The following BLM variants were observed in gnomAD, a reference collection of about 807,000 sequenced individuals.
BLM encodes the protein recQ-like DNA helicase BLM.
In BLM, 95 loss-of-function variants were observed where a neutral mutation model predicts 135.3. The observed-to-expected ratio is 0.70, with a 90% confidence interval of 0.59 to 0.83. The LOEUF is 0.83. BLM is among the 40% of genes least tolerant of loss of function. The probability of loss-of-function intolerance (pLI) is 0.00; values close to 1 mark genes in which losing one functional copy is unlikely to be tolerated. For missense variants in BLM, 1,518 were observed against 1,663.9 expected (o/e 0.91, Z 1.53); for synonymous variants, 520 against 589.2 (o/e 0.88, Z 1.70).
At chr15:90,798,539 A>G (rs1897088043) in intron 17 of BLM, among the ~76,000 whole-genome samples, 1 of 152,256 alleles carries the variant, frequency 6.6e-6, no homozygotes, top group South Asian at 2.1e-4. Flanking sequence ...ATGGTTTCAC[A>G]TACAAAGAAG....
intron 17 of BLM, 109 bp downstream of exon 17, chr15:90,798,446 G>A: frequency 1.7e-6 from 2 of 1,178,924 alleles, no homozygotes; most frequent in East Asian, 2.4e-5. Context: ...TATAAAACTT[G>A]AGTTTCTGAA....
intron 17 of BLM, among the ~76,000 whole-genome samples, chr15:90,798,839 C>T (rs1026110983): frequency 6.6e-6 from 1 of 152,082 alleles, no homozygotes; most frequent in Non-Finnish European, 1.5e-5. Flanking sequence ...AAAAATTAGC[C>T]AGGCATGGTG....
chr15:90,735,830 A>C (rs902338862), intron 1 of BLM, among the ~76,000 whole-genome samples: 5 of 152,168 alleles, frequency 3.3e-5, no homozygotes, highest in African/African-American at 1.2e-4. Flanking sequence ...AATGAAAAAC[A>C]CCATAAGCAA....
At chr15:90,792,012 T>A (rs1896915948) in intron 15 of BLM, among the ~76,000 whole-genome samples, 1 of 152,216 alleles carries the variant, frequency 6.6e-6, no homozygotes, top group Non-Finnish European at 1.5e-5. Flanking sequence ...TATTACATTC[T>A]TTGCTCATTT....
In BLM at chr15:90,804,330, T is replaced by G; in HGVS notation, c.3722T>G (p.Phe1241Cys). The G allele has an allele frequency of 6.2e-7, 1 of 1,614,202 alleles. No homozygotes were observed. Residue 1241 changes from phenylalanine (F) to cysteine (C), a missense_variant, in exon 19 of 22, where the codon TTT becomes TGT. This residue lies in a region of BLM where 626 missense variants were observed against 681.1 expected (regional missense o/e 0.92). Transcript: ENST00000355112. ...KVFGVHYFNI[F>C]NTVTLKKLAE... ...TTTGGTGTCCATTACTTCAATATTT[T>G]TAATACCGTCACTCTCAAGAAGCTT... is the stretch of plus-strand genomic sequence containing the variant.
intron 19 of BLM, chr15:90,808,920 C>T: frequency 1.6e-6 from 1 of 627,876 alleles, no homozygotes; most frequent in Non-Finnish European, 2.8e-6. Context: ...TCTGCCCTGG[C>T]CTATGCCGCT....
In BLM at chr15:90,815,474, C is replaced by T. The variant is rs1187108334; in HGVS notation, c.*195C>T. On this transcript the variant is annotated 3_prime_UTR_variant, in exon 22 of 22. Coordinates refer to ENST00000355112, the MANE Select transcript of BLM (RefSeq NM_000057.4). The surrounding 1 kb of genome is among the most constrained non-coding windows in gnomAD (Gnocchi z 4.6). ...CTTTTGAATAAGCATGTTTTGCTGC[C>T]GCTGCAAGTGTTGTGGCCGTTGTTT... 1.4e-5 allele frequency: 9 copies of T among 642,214 alleles called. No homozygotes were observed. The highest frequency in any genetic ancestry group is 3.1e-5 in the Admixed American group (1 of 31,872). The allele number at this position is 642,214 out of a possible 1,614,324, so 39.8% of individuals were successfully genotyped here. A position where few individuals can be genotyped will look rare whatever the true frequency, so the allele number is the denominator to read the frequency against.
rs1555425416 is a variant in BLM at position 90,815,155 on chromosome 15, T to C, written c.4130T>C (p.Ile1377Thr). Residue 1377 changes from isoleucine (I) to threonine (T), a missense_variant, in exon 22 of 22, where the codon ATT (isoleucine) becomes ACT (threonine). Physicochemically the swap from Ile to Thr is moderately conservative, Grantham distance 89 (BLOSUM62 -1). Coordinates refer to ENST00000355112, the MANE Select transcript of BLM (RefSeq NM_000057.4). This position sits in a 1 kb window ranked among gnomAD's most constrained non-coding sequence, Gnocchi z 4.6. ...TCCAAAACGAAATCCTCCAGCATCA[T>C]TGGATCCAGTTCAGCCTCACATACT... ...ISSKTKSSSI[I>T]GSSSASHTSQ... 10 of 1,614,100 alleles carry C rather than the reference T, an allele frequency of 6.2e-6. No homozygotes were observed. The highest frequency in any genetic ancestry group is 2.7e-5 in the African/African-American group (2 of 74,936).
At chr15:90,774,558 G>A (rs1896420044) in intron 12 of BLM, among the ~76,000 whole-genome samples, 1 of 151,010 alleles carries the variant, frequency 6.6e-6, no homozygotes, top group African/African-American at 2.4e-5. Context: ...GTCAGGCCAG[G>A]CTCGGTGGCT....
chr15:90,768,835 C>T (rs995493913), intron 10 of BLM, among the ~76,000 whole-genome samples: 5 of 152,186 alleles, frequency 3.3e-5, no homozygotes, highest in Admixed American at 6.6e-5. Flanking sequence ...AAGCGATTCT[C>T]CTGCCTCAGC....
At chr15:90,750,974 A>T (rs1039935305) in intron 3 of BLM, among the ~76,000 whole-genome samples, 2 of 152,238 alleles carry the variant, frequency 1.3e-5, no homozygotes, top group Non-Finnish European at 2.9e-5. Context: ...GGTAAATTGG[A>T]AAATGAAACT....
At chr15:90,758,085 G>A (rs1895867525) in intron 5 of BLM, among the ~76,000 whole-genome samples, 1 of 151,858 alleles carries the variant, frequency 6.6e-6, no homozygotes, top group African/African-American at 2.4e-5. Flanking sequence ...TCGCCACGTT[G>A]ACCAGGCTGG....
rs2151148091 is a variant in BLM, at chr15:90,750,006, G to A, written c.738G>A (p.Val246=). 2 of 1,614,202 alleles carry A rather than the reference G, an allele frequency of 1.2e-6. No individual in the cohort carries two copies. Among genetic ancestry groups the A allele is most frequent in the South Asian group, 1.1e-5 (1 of 91,084 alleles). ...TCGATGATGGCCCCATTGCTGAAGTGCATATAAATGAAGATGCTCAGGAAA... is the reference window on the plus strand; with the variant it reads ...TCGATGATGGCCCCATTGCTGAAGTACATATAAATGAAGATGCTCAGGAAA... ...ICIDDGPIAE[V]HINEDAQESD... is the part of the protein sequence containing the mutation. The change falls in exon 3 of 22, where the codon GTG becomes GTA. Residue 246 remains valine, a synonymous_variant. Coordinates refer to ENST00000355112, the MANE Select transcript of BLM (RefSeq NM_000057.4).
chr15:90,779,228 G>A (rs2151175387), intron 12 of BLM, among the ~76,000 whole-genome samples: 1 of 152,094 alleles, frequency 6.6e-6, no homozygotes, highest in African/African-American at 2.4e-5. Flanking sequence ...TTTCCAAAGT[G>A]GCTGTGCCAT....
intron 15 of BLM, chr15:90,793,872 C>T (rs1313746532): frequency 5.2e-6 from 1 of 192,110 alleles, no homozygotes; most frequent in African/African-American, 2.4e-5. Context: ...TCAGGATGTT[C>T]AGTTCGGTGG....
Position 90,736,460 on chromosome 15 carries a change from C to T in BLM, c.-4-10929C>T, listed in dbSNP as rs1895219533. Among the ~76,000 whole-genome samples, 5 of 152,150 alleles carry T rather than the reference C, an allele frequency of 3.3e-5. No homozygotes were observed. In the South Asian group the frequency reaches 1.0e-3, roughly 32 times the overall value. ...TTTTTTTTATAGAGACGGAGTCTCACCATGTTGCCCAGGCTGGTCTTGAAC... is the reference window on the plus strand; with the variant it reads ...TTTTTTTTATAGAGACGGAGTCTCATCATGTTGCCCAGGCTGGTCTTGAAC... On this transcript the variant is annotated intron_variant, in intron 1 of 21. Transcript: ENST00000355112.
intron 1 of BLM, among the ~76,000 whole-genome samples, chr15:90,727,626 C>G (rs1353523959): frequency 6.6e-6 from 1 of 152,090 alleles, no homozygotes; most frequent in Non-Finnish European, 1.5e-5. Flanking sequence ...AGTCTCTAAC[C>G]AGCTTCTTTT....
chr15:90,800,749 A>C (rs1426073908), intron 17 of BLM, among the ~76,000 whole-genome samples: 2 of 151,960 alleles, frequency 1.3e-5, no homozygotes, highest in African/African-American at 4.8e-5. Flanking sequence ...TTTTATTGAT[A>C]ACAGTGAAGA....
intron 19 of BLM, among the ~76,000 whole-genome samples, chr15:90,805,815 G>A (rs377556513): frequency 4.0e-5 from 6 of 151,714 alleles, no homozygotes; most frequent in African/African-American, 1.4e-4. Context: ...ACAGGCATGA[G>A]CCACCGCATC....
Sources: gnomAD v4.1 joint callset for allele counts (sites outside exome capture counted in the v4.1 genomes callset) on GRCh38, gnomAD v4.1.1 for gene constraint, gnomAD v4.1.1 regional missense constraint, Gnocchi (gnomAD v3.1) non-coding constraint, MANE v1.5 for transcripts, NCBI Gene and HGNC (gene_info 2026-07-23, HGNC 2026-07-21) for gene names.